Variants in TRNT1 observed in about 807,000 individuals in gnomAD.
The protein encoded by TRNT1 is CCA tRNA nucleotidyltransferase 1, mitochondrial.
In TRNT1, 44 loss-of-function variants were observed where a neutral mutation model predicts 45.6. The observed-to-expected ratio is 0.97, with a 90% CI of 0.76 to 1.24. TRNT1 has a LOEUF of 1.24. Ranked by LOEUF, TRNT1 falls within the 50% of genes most tolerant of loss-of-function variation. TRNT1 has a pLI of 0.00. For missense variants in TRNT1, 633 were observed against 504.4 expected (o/e 1.25, Z -2.44); for synonymous variants, 201 against 171.4 (o/e 1.17, Z -1.35).
At chr3:3,150,713 T>A (rs1706470488), downstream of TRNT1, 1 of 746,854 alleles carries the variant, frequency 1.3e-6, no homozygotes, top group African/African-American at 1.8e-5. Context: ...CAAATACAGT[T>A]TCACTTAGAA....
intron 5 of TRNT1, 43 bp from the exon 6 acceptor site, chr3:3,146,387 T>C (rs1706020754): frequency 2.7e-6 from 4 of 1,482,982 alleles, no homozygotes; most frequent in Admixed American, 4.3e-5. Flanking sequence ...GCTTGTGATA[T>C]GCCAATATAG....
chr3:3,142,761 T>C (rs1388518385), intron 4 of TRNT1, among the ~76,000 whole-genome samples: 1 of 152,232 alleles, frequency 6.6e-6, no homozygotes, highest in Non-Finnish European at 1.5e-5. Context: ...CCAGGGACGG[T>C]TACAAGTCTC....
At chr3:3,135,607 T>A (rs578005015) in intron 2 of TRNT1, among the ~76,000 whole-genome samples, 1 of 152,228 alleles carries the variant, frequency 6.6e-6, no homozygotes, top group African/African-American at 2.4e-5. Flanking sequence ...TTTAAGTACA[T>A]CATTTTAAGG....
chr3:3,141,283 AT>A, intron 4 of TRNT1, among the ~76,000 whole-genome samples: 2 of 152,284 alleles, frequency 1.3e-5, no homozygotes, highest in Middle Eastern at 6.8e-3. Flanking sequence ...TATAAACATG[AT>A]TTCAGGGAAG....
intron 7 of TRNT1, 85 bp from the exon 8 acceptor site, chr3:3,147,819 TTA>T (rs1488238550): frequency 2.6e-6 from 4 of 1,524,522 alleles, no homozygotes; most frequent in African/African-American, 1.4e-5. Context: ...ATGAAAAAAT[TTA>T]TGTTGAGTAT....
downstream of TRNT1, among the ~76,000 whole-genome samples, chr3:3,151,331 G>A (rs538778955): frequency 1.3e-5 from 2 of 152,070 alleles, no homozygotes; most frequent in Non-Finnish European, 2.9e-5. Context: ...ATTGCTGGTT[G>A]CCAAGACCAC....
chr3:3,147,332 T>C (rs1706109874), intron 6 of TRNT1, 118 bp from the exon 7 acceptor site: 2 of 1,142,872 alleles, frequency 1.7e-6, no homozygotes, highest in Admixed American at 2.3e-5. Context: ...AGACTGAACC[T>C]ATATAATGTA....
intron 3 of TRNT1, among the ~76,000 whole-genome samples, chr3:3,139,319 C>T (rs1705503471): frequency 1.3e-5 from 2 of 152,144 alleles, no homozygotes. Flanking sequence ...GCCTCAAATT[C>T]TTGAGTTCTG....
intron 2 of TRNT1, among the ~76,000 whole-genome samples, chr3:3,135,531 C>T (rs1705274532): frequency 1.3e-5 from 2 of 152,066 alleles, no homozygotes; most frequent in East Asian, 3.9e-4. Context: ...GAACACTTCC[C>T]CTTGGGGAGA....
chr3:3,149,530 A>C (rs1033495660), downstream of TRNT1: 8 of 152,144 alleles, frequency 5.3e-5, no homozygotes, highest in African/African-American at 1.9e-4. Flanking sequence ...ACTGGTTTAG[A>C]GTTCAGCCTA....
At chr3:3,129,802 C>A in intron 2 of TRNT1, 1 of 1,393,848 alleles carries the variant, frequency 7.2e-7, no homozygotes, top group Non-Finnish European at 9.9e-7. Flanking sequence ...GATTGTTAGG[C>A]ATGTGAAGTG....
intron 3 of TRNT1, 96 bp from the exon 4 acceptor site, chr3:3,140,414 C>G: frequency 8.2e-7 from 1 of 1,224,890 alleles, no homozygotes; most frequent in Non-Finnish European, 1.2e-6. Flanking sequence ...GCTTATAGTA[C>G]CATCCCTTTA....
At chr3:3,143,056 G>C (rs1705755893) in intron 4 of TRNT1, among the ~76,000 whole-genome samples, 1 of 152,210 alleles carries the variant, frequency 6.6e-6, no homozygotes, top group African/African-American at 2.4e-5. Context: ...ACACAGCCAA[G>C]AGGTATTTTT....
chr3:3,145,373 T>G (rs900301543), intron 5 of TRNT1: 4 of 151,940 alleles, frequency 2.6e-5, no homozygotes, highest in African/African-American at 9.7e-5. Context: ...CATGGCGGTG[T>G]GCGCCTGTAG....
At chr3:3,127,499 C>A (rs909019468) in intron 1 of TRNT1, 1 of 152,326 alleles carries the variant, frequency 6.6e-6, no homozygotes, top group African/African-American at 2.4e-5. Flanking sequence ...ATGGGCAGGA[C>A]CCCCGTATGG....
At chr3:3,127,535 A>C (rs1203446889) in intron 1 of TRNT1, 2 of 152,370 alleles carry the variant, frequency 1.3e-5, no homozygotes, top group African/African-American at 4.8e-5. Context: ...GATATGTAGA[A>C]GGGAAGGCCG....
At chr3:3,149,362 A>C (rs1706310332), downstream of TRNT1, 1 of 152,168 alleles carries the variant, frequency 6.6e-6, no homozygotes, top group African/African-American at 2.4e-5. Context: ...AAGTATGCAG[A>C]TTTAGCTATC....
chr3:3,129,728 C>T (rs1296894825), intron 2 of TRNT1, among the ~76,000 whole-genome samples: 2 of 152,220 alleles, frequency 1.3e-5, no homozygotes, highest in Non-Finnish European at 2.9e-5. Flanking sequence ...CCATTCATTA[C>T]AGGACTGGTG....
intron 3 of TRNT1, among the ~76,000 whole-genome samples, chr3:3,140,086 ACTTATT>A (rs1288902575): frequency 6.6e-6 from 1 of 152,190 alleles, no homozygotes; most frequent in Non-Finnish European, 1.5e-5. Flanking sequence ...TGTTAACTGT[ACTTATT>A]CTTTATCAGT....
Sources: allele counts gnomAD v4.1 joint callset (sites outside exome capture counted in the v4.1 genomes callset), GRCh38; gene constraint gnomAD v4.1.1; transcripts MANE v1.5; gene names NCBI Gene and HGNC (gene_info 2026-07-23, HGNC 2026-07-21).